Variants in CNKSR3 observed in about 807,000 individuals in gnomAD.
CNKSR3 encodes the protein connector enhancer of kinase suppressor of ras 3.
Under a neutral mutation model 67.7 loss-of-function variants are expected in CNKSR3, and 36 were observed. The observed-to-expected ratio is 0.53, with a 90% CI of 0.41 to 0.70. CNKSR3 has a LOEUF of 0.70. CNKSR3 is among the 30% of genes least tolerant of loss of function. The pLI is 0.00. For synonymous variants in CNKSR3, 281 were observed against 271.4 expected (o/e 1.04, Z -0.35); for missense variants, 630 against 695.2 (o/e 0.91, Z 1.05).
chr6:154,510,187 T>C lies in CNKSR3; in HGVS notation c.-73A>G, dbSNP rs529299267. ...GCTGCTGCCTGCGCTCCGGTGCCCCTTCCCGGGAGGGCGCGCCCGCGGCTG... is the reference window on the plus strand; with the variant it reads ...GCTGCTGCCTGCGCTCCGGTGCCCCCTCCCGGGAGGGCGCGCCCGCGGCTG... On this transcript the variant is annotated 5_prime_UTR_variant, in exon 1 of 13. Coordinates refer to ENST00000607772, the MANE Select transcript of CNKSR3 (RefSeq NM_173515.4). The C allele has an allele frequency of 2.0e-4, 319 of 1,578,360 alleles. 3 individuals carry two copies. In the South Asian group the frequency reaches 3.2e-3, roughly 16 times the overall value.
At chr6:154,459,868 C>G (rs1786042323) in intron 1 of CNKSR3, among the ~76,000 whole-genome samples, 1 of 151,934 alleles carries the variant, frequency 6.6e-6, no homozygotes, top group Non-Finnish European at 1.5e-5. Flanking sequence ...AAACAACAGT[C>G]AGACGGGCTG....
Position 154,422,503 on chromosome 6 carries a change from T to C in CNKSR3, c.945+3A>G. 6.2e-7 allele frequency: 1 copy of C among 1,613,938 alleles called. No homozygotes were observed. Among genetic ancestry groups the C allele is most frequent in the African/African-American group, 1.3e-5 (1 of 75,052 alleles). On this transcript the variant is annotated splice_donor_region_variant and intron_variant, in intron 9 of 12. Transcript: ENST00000607772. ...ATGGAGGTTTACAGTTAATCCCAGA[T>C]ACCTGTACAAGAGGTGGCTTCCACC...
intron 12 of CNKSR3, among the ~76,000 whole-genome samples, chr6:154,409,631 T>C (rs554930187): frequency 2.6e-5 from 4 of 152,260 alleles, no homozygotes; most frequent in African/African-American, 9.6e-5. Context: ...AGTGGGAGGA[T>C]CACTTGAACC....
intron 1 of CNKSR3, among the ~76,000 whole-genome samples, chr6:154,491,341 G>C (rs1354454256): frequency 6.6e-6 from 1 of 152,174 alleles, no homozygotes; most frequent in Non-Finnish European, 1.5e-5. Flanking sequence ...ACCTAGAAAA[G>C]AACTTGACAA....
At chr6:154,463,143 GCT>G (rs1786118176) in intron 1 of CNKSR3, among the ~76,000 whole-genome samples, 1 of 135,990 alleles carries the variant, frequency 7.4e-6, no homozygotes, top group Non-Finnish European at 1.5e-5. Flanking sequence ...ACGGAGTCTC[GCT>G]CTGTCGCCCA....
chr6:154,491,191 G>A (rs1339903221), intron 1 of CNKSR3, among the ~76,000 whole-genome samples: 1 of 152,096 alleles, frequency 6.6e-6, no homozygotes, highest in Non-Finnish European at 1.5e-5. Context: ...GCCTTCTCTT[G>A]TGGCGCCCAT....
rs1012073588 is a variant in CNKSR3, at chr6:154,395,565, T to C, written c.*10789A>G. On this transcript the variant is annotated 3_prime_UTR_variant, in exon 13 of 13. Transcript: ENST00000607772. ...CTCAGATGAGCCCTATGTAGCAATA[T>C]GCAAAGGACATTACTTGAAAACTCA... 1.7e-4 allele frequency: 26 copies of C among 152,172 alleles called. No individual in the cohort carries two copies. Among genetic ancestry groups the C allele is most frequent in the African/African-American group, 6.3e-4 (26 of 41,448 alleles). The allele number at this position is 152,172 out of a possible 1,614,324, so 9.4% of individuals were successfully genotyped here.
chr6:154,451,213 G>A (rs1292074158), intron 1 of CNKSR3, among the ~76,000 whole-genome samples: 1 of 152,160 alleles, frequency 6.6e-6, no homozygotes. Flanking sequence ...TGACTAAAAC[G>A]AGTAAGCCAA....
intron 12 of CNKSR3, among the ~76,000 whole-genome samples, chr6:154,409,881 C>CAAAAA (rs56081008): frequency 1.6e-5 from 2 of 126,614 alleles, no homozygotes; most frequent in Non-Finnish European, 1.7e-5. Flanking sequence ...CTGTCTCTAC[C>CAAAAA]AAAAAAAAAA....
At position 154,422,536 on chromosome 6, in the gene CNKSR3, T is replaced by C. The variant is rs375235956; in HGVS notation, c.915A>G (p.Lys305=). The part of the protein sequence containing the change: ...GSFNFTPAPL[K]NLRWKPPLVQ... ...CAAGAGGTGGCTTCCACCGTAGGTT[T>C]TTCAGGGGAGCAGGAGTAAAGTTGA... The change falls in exon 9 of 13, where the codon AAA becomes AAG. Residue 305 remains lysine, a synonymous_variant. Transcript: ENST00000607772. 2 of 1,614,036 alleles carry C rather than the reference T, an allele frequency of 1.2e-6. No individual in the cohort carries two copies. Among genetic ancestry groups the C allele is most frequent in the African/African-American group, 1.3e-5 (1 of 74,930 alleles).
intron 4 of CNKSR3, among the ~76,000 whole-genome samples, chr6:154,436,760 C>T (rs1785479936): frequency 6.6e-6 from 1 of 152,182 alleles, no homozygotes; most frequent in Admixed American, 6.5e-5. Context: ...GGAGACTACA[C>T]TGGAAATACA....
chr6:154,411,259 C>T, intron 10 of CNKSR3, 117 bp from the exon 11 acceptor site: 1 of 733,310 alleles, frequency 1.4e-6, no homozygotes, highest in South Asian at 2.0e-5. Context: ...TCCTTTTCCA[C>T]TGGAGGAAAA....
At chr6:154,458,215 G>C (rs768938266) in intron 1 of CNKSR3, among the ~76,000 whole-genome samples, 41 of 152,304 alleles carry the variant, frequency 2.7e-4, no homozygotes, top group Non-Finnish European at 5.0e-4. Flanking sequence ...GATGAGTACA[G>C]AGTGATGATG....
intron 4 of CNKSR3, among the ~76,000 whole-genome samples, chr6:154,437,640 T>C (rs749364401): frequency 4.6e-5 from 7 of 152,042 alleles, no homozygotes; most frequent in Non-Finnish European, 7.4e-5. Flanking sequence ...AGTCTCGAAC[T>C]CCTGACCTCA....
rs374494020 is a variant in CNKSR3 at position 154,464,513 on chromosome 6, G to C, written c.53-14255C>G. Among the ~76,000 whole-genome samples, 30 of 152,040 alleles carry C rather than the reference G, an allele frequency of 2.0e-4. 1 individual carries two copies. In the South Asian group the frequency reaches 6.0e-3, roughly 31 times the overall value. ...CTGCGGAACATGAGGTCAGGAGATC[G>C]AGACCATCCTGGCCAACATGGTGAA... On this transcript the variant is annotated intron_variant, in intron 1 of 12. Coordinates refer to ENST00000607772, the MANE Select transcript of CNKSR3 (RefSeq NM_173515.4).
rs1784586703 is a variant in CNKSR3 at position 154,389,742 on chromosome 6, C to G, written c.*16612G>C. 1 of 152,140 alleles carries G rather than the reference C, an allele frequency of 6.6e-6. No individual in the cohort carries two copies. Among genetic ancestry groups the G allele is most frequent in the Non-Finnish European group, 1.5e-5 (1 of 68,016 alleles). 9.4% of individuals were successfully genotyped at this position (152,140 alleles called of 1,614,324 possible). A position where few individuals can be genotyped will look rare whatever the true frequency, so the allele number is the denominator to read the frequency against. ...AACATACAAAAATCAGTTGCGATTT[C>G]TATACATTAACACAGAACTATCTAA... On this transcript the variant is annotated 3_prime_UTR_variant, in exon 13 of 13. Transcript: ENST00000607772.
At chr6:154,487,197 A>C (rs1168227710) in intron 1 of CNKSR3, among the ~76,000 whole-genome samples, 1 of 152,254 alleles carries the variant, frequency 6.6e-6, no homozygotes, top group East Asian at 1.9e-4. Context: ...TATAAAAGGC[A>C]GAGTATCCTT....
At chr6:154,493,676 C>T (rs972565583) in intron 1 of CNKSR3, among the ~76,000 whole-genome samples, 1 of 152,134 alleles carries the variant, frequency 6.6e-6, no homozygotes, top group Non-Finnish European at 1.5e-5. Context: ...GCAGGCTTTA[C>T]AGGAGGCATG....
intron 7 of CNKSR3, among the ~76,000 whole-genome samples, chr6:154,425,745 C>CTTGCTTCAGTCTCAAGCAAGCA: frequency 6.6e-6 from 1 of 151,538 alleles, no homozygotes; most frequent in South Asian, 2.1e-4. Flanking sequence ...GAAGGCCTTG[C>CTTGCTTCAGTCTCAAGCAAGCA]TTGCTTCAGC....
Sources: allele counts gnomAD v4.1 joint callset (sites outside exome capture counted in the v4.1 genomes callset), GRCh38; gene constraint gnomAD v4.1.1; transcripts MANE v1.5; gene names NCBI Gene and HGNC (gene_info 2026-07-23, HGNC 2026-07-21).